Variants in ARMC3 observed in about 807,000 individuals in gnomAD.
ARMC3 encodes the protein armadillo repeat-containing protein 3.
ARMC3 carries 74 observed loss-of-function variants against 90.3 expected under a neutral mutation model. That is an observed-to-expected ratio of 0.82 (90% CI 0.68 to 0.99). The LOEUF is 0.99. ARMC3 is among the 50% of genes least tolerant of loss of function. The pLI is 0.00. For synonymous variants in ARMC3, 334 were observed against 361.8 expected (o/e 0.92, Z 0.87); for missense variants, 958 against 1,042.8 (o/e 0.92, Z 1.12).
intron 16 of ARMC3, among the ~76,000 whole-genome samples, chr10:23,027,234 T>TA (rs1412012348): frequency 6.6e-6 from 1 of 152,206 alleles, no homozygotes; most frequent in African/African-American, 2.4e-5. Context: ...CTTTAATAGT[T>TA]ACATCTTCAA....
At chr10:22,975,356 G>A (rs1835873970) in intron 8 of ARMC3, among the ~76,000 whole-genome samples, 4 of 152,052 alleles carry the variant, frequency 2.6e-5, no homozygotes, top group Admixed American at 2.6e-4. Context: ...GGAGTTCAAG[G>A]CCAGCCTGGC....
chr10:23,003,643 G>GTCTTAAGTTTCAGA (rs1837430234), intron 13 of ARMC3, among the ~76,000 whole-genome samples: 1 of 152,184 alleles, frequency 6.6e-6, no homozygotes, highest in Non-Finnish European at 1.5e-5. Context: ...GCTAGAGGCA[G>GTCTTAAGTTTCAGA]TCTTAAGTTT....
In ARMC3 at chr10:23,003,113, T is replaced by C. The variant is rs1837393827; in HGVS notation, c.1563-133T>C. The C allele has an allele frequency of 4.5e-6, 3 of 664,554 alleles. No homozygotes were observed. In the South Asian group the frequency reaches 1.1e-4, roughly 25 times the overall value. The allele number at this position is 664,554 out of a possible 1,614,324, so 41.2% of individuals were successfully genotyped here. A position where few individuals can be genotyped will look rare whatever the true frequency, so the allele number is the denominator to read the frequency against. ...CTTCATAATTCTATCAGTATTACTT[T>C]ATCTAAGAGGGTGGGGGAGGCTTTA... On this transcript the variant is annotated intron_variant, in intron 12 of 18. Coordinates refer to ENST00000298032, the MANE Select transcript of ARMC3 (RefSeq NM_173081.5).
At chr10:22,975,671 A>T (rs1835889016) in intron 8 of ARMC3, among the ~76,000 whole-genome samples, 1 of 152,118 alleles carries the variant, frequency 6.6e-6, no homozygotes, top group African/African-American at 2.4e-5. Flanking sequence ...TTAAGGTAGA[A>T]TTTTTTATCC....
chr10:22,980,470 A>G (rs915476116), intron 8 of ARMC3, among the ~76,000 whole-genome samples: 10 of 152,146 alleles, frequency 6.6e-5, no homozygotes, highest in African/African-American at 2.4e-4. Flanking sequence ...TCTAGAACAT[A>G]CTTTAATAAA....
rs557662085 is a variant in ARMC3, at chr10:22,987,171, A to G, written c.1175+5471A>G. On this transcript the variant is annotated intron_variant, in intron 10 of 18. Coordinates refer to ENST00000298032, the MANE Select transcript of ARMC3 (RefSeq NM_173081.5). ...AACGAGAAAACCGTTTATTTTTGAC[A>G]TAGGAAATATTGTTTTCAGCTAAAT... Among the ~76,000 whole-genome samples the G allele has an allele frequency of 1.5e-4, 23 of 152,324 alleles. 1 individual carries two copies. The South Asian group carries it at 4.8e-3, about 32-fold the overall frequency.
intron 2 of ARMC3, among the ~76,000 whole-genome samples, chr10:22,944,607 T>C (rs1219724515): frequency 6.6e-6 from 1 of 152,126 alleles, no homozygotes; most frequent in Admixed American, 6.5e-5. Context: ...CTTCCTAACT[T>C]TTCAGATTAA....
At chr10:22,942,713 A>G (rs947079417) in intron 2 of ARMC3, among the ~76,000 whole-genome samples, 4 of 152,214 alleles carry the variant, frequency 2.6e-5, no homozygotes, top group African/African-American at 9.6e-5. Context: ...TGTCTACCCC[A>G]TGACTCATCA....
intron 2 of ARMC3, among the ~76,000 whole-genome samples, chr10:22,932,292 T>C (rs1188400672): frequency 1.3e-5 from 2 of 152,258 alleles, no homozygotes; most frequent in Admixed American, 6.5e-5. Flanking sequence ...GGCATGTTTA[T>C]AGCATAGTTA....
Position 22,968,419 on chromosome 10 carries a change from T to C in ARMC3, c.846T>C (p.Phe282=), listed in dbSNP as rs1203227852. Residue 282 remains phenylalanine (F), a synonymous_variant, in exon 8 of 19, where the codon TTT becomes TTC. Coordinates refer to ENST00000298032, the MANE Select transcript of ARMC3 (RefSeq NM_173081.5). The stretch of plus-strand genomic sequence containing the variant: ...GGGGTCTTAAAAAGCTCCTGTCATT[T>C]GCAGAAAACTCTACAATTCCTGATA... ...QTGGLKKLLS[F]AENSTIPDIQ... 6.2e-7 allele frequency: 1 copy of C among 1,612,942 alleles called. No individual in the cohort carries two copies. Among genetic ancestry groups the C allele is most frequent in the East Asian group, 2.2e-5 (1 of 44,872 alleles).
At chr10:23,037,233 G>A (rs199971969) in intron 18 of ARMC3, 37 bp from the exon 19 acceptor site, 39 of 1,506,712 alleles carry the variant, frequency 2.6e-5, no homozygotes, top group East Asian at 2.1e-4. Context: ...CCCCTCTCCC[G>A]CACCACCCTT....
intron 8 of ARMC3, among the ~76,000 whole-genome samples, chr10:22,974,204 GA>G (rs529801948): frequency 1.3e-4 from 19 of 151,828 alleles, no homozygotes; most frequent in Admixed American, 1.2e-3. Flanking sequence ...GGTCTTGGCA[GA>G]AAAAAAATTC....
Position 22,946,229 on chromosome 10 carries a change from C to T in ARMC3, c.134C>T (p.Ala45Val), listed in dbSNP as rs1018059362. 6.2e-7 allele frequency: 1 copy of T among 1,610,016 alleles called. No homozygotes were observed. The highest frequency in any genetic ancestry group is 2.2e-5 in the East Asian group (1 of 44,762). The change falls in exon 3 of 19, where the codon GCA becomes GTA. Residue 45 changes from alanine to valine, a missense_variant. Transcript: ENST00000298032. ...NSPEEEILAKACEAIYKFALK... is the reference protein window; with the variant it reads ...NSPEEEILAKVCEAIYKFALK... ...CCAGAAGAGGAAATTTTGGCTAAAG[C>T]ATGTGAAGCCATTTATAAATTTGCT... is the stretch of plus-strand genomic sequence containing the variant.
intron 10 of ARMC3, among the ~76,000 whole-genome samples, chr10:22,992,720 C>CA (rs1349743601): frequency 2.0e-5 from 3 of 152,068 alleles, no homozygotes; most frequent in Non-Finnish European, 4.4e-5. Flanking sequence ...AGAAATTGAC[C>CA]AATTTAGCAA....
intron 16 of ARMC3, among the ~76,000 whole-genome samples, chr10:23,022,829 T>C (rs1349299537): frequency 6.6e-6 from 1 of 151,678 alleles, no homozygotes; most frequent in Non-Finnish European, 1.5e-5. Context: ...GATACTGGAG[T>C]GGCCAGAAGG....
intron 16 of ARMC3, among the ~76,000 whole-genome samples, chr10:23,010,263 C>T (rs1331107592): frequency 6.8e-6 from 1 of 146,354 alleles, no homozygotes; most frequent in South Asian, 2.3e-4. Flanking sequence ...TTCTTCTCTT[C>T]CTTTCCCTTC....
At chr10:22,985,700 G>C (rs1434742112) in intron 10 of ARMC3, among the ~76,000 whole-genome samples, 1 of 152,132 alleles carries the variant, frequency 6.6e-6, no homozygotes, top group Non-Finnish European at 1.5e-5. Context: ...ATGGATACGT[G>C]GATATGGATG....
intron 8 of ARMC3, among the ~76,000 whole-genome samples, chr10:22,972,089 A>G (rs1196481730): frequency 6.6e-6 from 1 of 152,224 alleles, no homozygotes; most frequent in Non-Finnish European, 1.5e-5. Flanking sequence ...TCTGGATATT[A>G]ACCCCTTATC....
chr10:22,973,615 C>T (rs1835771118), intron 8 of ARMC3, among the ~76,000 whole-genome samples: 1 of 151,012 alleles, frequency 6.6e-6, no homozygotes, highest in African/African-American at 2.4e-5. Flanking sequence ...TCTTTTAGTT[C>T]AATTTTATAA....
Sources: gnomAD v4.1 joint callset for allele counts (sites outside exome capture counted in the v4.1 genomes callset) on GRCh38, gnomAD v4.1.1 for gene constraint, MANE v1.5 for transcripts, NCBI Gene and HGNC (gene_info 2026-07-23, HGNC 2026-07-21) for gene names.